Variants in SPINK5 observed in about 807,000 individuals in gnomAD.
SPINK5 encodes serine protease inhibitor Kazal-type 5.
A neutral mutation model predicts 151.8 loss-of-function variants in SPINK5; 125 were observed. The ratio of observed to expected loss-of-function variants is 0.82; its 90% CI spans 0.71 to 0.96. The LOEUF is 0.96. Ranked by LOEUF, SPINK5 falls within the 40% of genes least tolerant of loss-of-function variation. The pLI is 0.00. For synonymous variants in SPINK5, 374 were observed against 395.3 expected (o/e 0.95, Z 0.64); for missense variants, 1,194 against 1,291.9 (o/e 0.92, Z 1.16).
At chr5:148,118,179 C>T (rs1422049252) in intron 22 of SPINK5, among the ~76,000 whole-genome samples, 1 of 152,096 alleles carries the variant, frequency 6.6e-6, no homozygotes, top group Non-Finnish European at 1.5e-5. Context: ...CCACCATGCC[C>T]AGCTAATTTT....
At chr5:148,106,621 C>T (rs1027454072) in intron 16 of SPINK5, among the ~76,000 whole-genome samples, 2 of 152,148 alleles carry the variant, frequency 1.3e-5, no homozygotes, top group African/African-American at 2.4e-5. Flanking sequence ...AGGTGTGAGC[C>T]ACCATACTTG....
intron 23 of SPINK5, 32 bp downstream of exon 23, chr5:148,118,596 A>C (rs1754164902): frequency 6.2e-7 from 1 of 1,612,490 alleles, no homozygotes; most frequent in Admixed American, 1.7e-5. Flanking sequence ...CATGTCTAAA[A>C]TATAGTCACA....
chr5:148,070,790 T>G (rs1290369078), intron 3 of SPINK5, among the ~76,000 whole-genome samples: 1 of 152,096 alleles, frequency 6.6e-6, no homozygotes, highest in Admixed American at 6.6e-5. Flanking sequence ...GTCAGATTCC[T>G]TGGGCCTGTT....
chr5:148,134,556 C>A (rs1236257069), intron 32 of SPINK5, among the ~76,000 whole-genome samples: 2 of 152,144 alleles, frequency 1.3e-5, no homozygotes, highest in African/African-American at 2.4e-5. Context: ...ACCAAATATC[C>A]CAATGACCTA....
chr5:148,135,962 T>G (rs527448886), intron 32 of SPINK5, among the ~76,000 whole-genome samples: 6 of 152,292 alleles, frequency 3.9e-5, no homozygotes, highest in Admixed American at 3.9e-4. Flanking sequence ...ATTTTCTGTT[T>G]GTACTCTTAC....
At chr5:148,124,063 T>A in intron 27 of SPINK5, 103 bp downstream of exon 27, 2 of 1,256,522 alleles carry the variant, frequency 1.6e-6, no homozygotes, top group Non-Finnish European at 2.3e-6. Flanking sequence ...CACACATTAA[T>A]GATATGATAC....
chr5:148,080,779 C>T (rs1350508790), intron 4 of SPINK5, among the ~76,000 whole-genome samples: 2 of 151,138 alleles, frequency 1.3e-5, no homozygotes, highest in African/African-American at 4.8e-5. Context: ...TCCATGAATA[C>T]AAAATTAATA....
chr5:148,089,721 C>T, intron 7 of SPINK5, 100 bp downstream of exon 7: 1 of 1,555,320 alleles, frequency 6.4e-7, no homozygotes, highest in South Asian at 1.1e-5. Flanking sequence ...ATGAAGCATG[C>T]AATTCTTTGT....
intron 7 of SPINK5, among the ~76,000 whole-genome samples, 186 bp downstream of exon 7, chr5:148,089,807 A>G (rs751223153): frequency 1.6e-4 from 24 of 151,856 alleles, no homozygotes; most frequent in Non-Finnish European, 2.5e-4. Flanking sequence ...GAAGTTTCTT[A>G]AAAGAAGAGA....
At position 148,085,834 on chromosome 5, in the gene SPINK5, T is replaced by C. The variant is rs141780348; in HGVS notation, c.283-571T>C. ...GTGTCAGGCACTGTTCCAAGTGCTA[T>C]ACATGAATTAACATATGTAAATCCC... On this transcript the variant is annotated intron_variant, in intron 4 of 32. Transcript: ENST00000256084. Among the ~76,000 whole-genome samples, 9 of 152,020 alleles carry C rather than the reference T, an allele frequency of 5.9e-5. No individual in the cohort carries two copies. In the East Asian group the frequency reaches 1.6e-3, roughly 26 times the overall value.
intron 6 of SPINK5, among the ~76,000 whole-genome samples, chr5:148,088,845 AAG>A (rs1491489125): frequency 6.9e-5 from 9 of 130,156 alleles, no homozygotes; most frequent in East Asian, 2.4e-4. Context: ...TAAAAAAAAA[AAG>A]AAGAAGAAGA....
intron 16 of SPINK5, among the ~76,000 whole-genome samples, 156 bp downstream of exon 16, chr5:148,105,156 A>G (rs972291888): frequency 1.3e-5 from 2 of 152,206 alleles, no homozygotes; most frequent in Non-Finnish European, 2.9e-5. Flanking sequence ...TCCTGATAAG[A>G]AGTGTCCAGA....
In SPINK5 at chr5:148,089,789, CATTG is replaced by C. The variant is rs1462760003; in HGVS notation, c.602+174_602+177del. Among the ~76,000 whole-genome samples the C allele has an allele frequency of 2.0e-5, 3 of 151,824 alleles. No homozygotes were observed. The South Asian group carries it at 6.2e-4, about 32-fold the overall frequency. On this transcript the variant is annotated intron_variant, in intron 7 of 32. Transcript: ENST00000256084. ...AGGCTTCTTTTCTTTTTCTTCTTATCATTGATTGAAGTTTCTTAAAAGAAGAGAA... is the reference window on the plus strand; with the variant it reads ...AGGCTTCTTTTCTTTTTCTTCTTATCATTGAAGTTTCTTAAAAGAAGAGAA...
intron 14 of SPINK5, 24 bp from the exon 15 acceptor site, chr5:148,101,757 C>T: frequency 1.9e-6 from 3 of 1,613,536 alleles, no homozygotes; most frequent in Non-Finnish European, 1.7e-6. Context: ...TCAACACTTT[C>T]AACTTCCTGC....
intron 31 of SPINK5, among the ~76,000 whole-genome samples, chr5:148,133,557 A>C (rs1176767935): frequency 6.6e-6 from 1 of 152,186 alleles, no homozygotes; most frequent in African/African-American, 2.4e-5. Flanking sequence ...TTCTCTATGA[A>C]TATATCAGTG....
intron 4 of SPINK5, among the ~76,000 whole-genome samples, chr5:148,075,936 G>T (rs893296966): frequency 6.6e-6 from 1 of 151,720 alleles, no homozygotes; most frequent in African/African-American, 2.4e-5. Context: ...TCTTCACCAA[G>T]GGTAAGGAAA....
At chr5:148,129,733 G>A (rs906739384) in intron 30 of SPINK5, among the ~76,000 whole-genome samples, 1 of 152,026 alleles carries the variant, frequency 6.6e-6, no homozygotes, top group African/African-American at 2.4e-5. Context: ...TCAAAACAAA[G>A]GAACAAGTAC....
At position 148,108,799 on chromosome 5, in the gene SPINK5, A is replaced by G. The variant is rs766101354; in HGVS notation, c.1654A>G (p.Lys552Glu). 2 of 1,612,448 alleles carry G rather than the reference A, an allele frequency of 1.2e-6. No homozygotes were observed. The highest frequency in any genetic ancestry group is 2.2e-5 in the South Asian group (2 of 91,034). Residue 552 changes from lysine (K) to glutamate (E), a missense_variant, in exon 18 of 33, where the codon AAA becomes GAA. Lys to Glu is a moderately conservative substitution (Grantham distance 56, BLOSUM62 1). Transcript: ENST00000256084. The stretch of plus-strand genomic sequence containing the variant: ...GAAAAATGATAAAGAAGAAAAAGGG[A>G]AAGTCGAGGCTGAAAAAGTTAAGAG... ...EKKNDKEEKG[K>E]VEAEKVKREA...
At chr5:148,081,586 T>C (rs1753021856) in intron 4 of SPINK5, among the ~76,000 whole-genome samples, 1 of 151,436 alleles carries the variant, frequency 6.6e-6, no homozygotes, top group Non-Finnish European at 1.5e-5. Context: ...GTCAGAAAAA[T>C]GTTTAATGAT....
Sources: allele counts gnomAD v4.1 joint callset (sites outside exome capture counted in the v4.1 genomes callset), GRCh38; gene constraint gnomAD v4.1.1; transcripts MANE v1.5; gene names NCBI Gene and HGNC (gene_info 2026-07-23, HGNC 2026-07-21).